The following CDC73 variants were observed in gnomAD, a reference collection of about 807,000 sequenced individuals.
CDC73 encodes parafibromin.
Under a neutral mutation model 83.7 loss-of-function variants are expected in CDC73, and 21 were observed. That is an observed-to-expected ratio of 0.25 (90% CI 0.18 to 0.36). The LOEUF (loss-of-function observed/expected upper bound fraction) is 0.36, where lower values mean the gene tolerates loss of function less well. Ranked by LOEUF, CDC73 falls within the 10% of genes least tolerant of loss-of-function variation. The pLI is 1.00. For synonymous variants in CDC73, 224 were observed against 212.9 expected (o/e 1.05, Z -0.45); for missense variants, 342 against 653.3 (o/e 0.52, Z 5.19).
At chr1:193,124,611 G>T (rs1323868308) in intron 1 of CDC73, among the ~76,000 whole-genome samples, 1 of 152,140 alleles carries the variant, frequency 6.6e-6, no homozygotes, top group Non-Finnish European at 1.5e-5. Context: ...TACATTATTG[G>T]TCTAATTTGA....
intron 7 of CDC73, among the ~76,000 whole-genome samples, chr1:193,142,417 A>G (rs926443770): frequency 2.6e-5 from 4 of 152,132 alleles, no homozygotes; most frequent in African/African-American, 7.2e-5. Context: ...TATTAATGCC[A>G]TCATTATTTT....
intron 6 of CDC73, among the ~76,000 whole-genome samples, chr1:193,140,591 A>G (rs546934955): frequency 5.9e-5 from 9 of 152,336 alleles, no homozygotes; most frequent in East Asian, 5.8e-4. Flanking sequence ...CTACTTGAAC[A>G]TAAGTACTTT....
At chr1:193,135,098 G>T (rs1558282157) in intron 3 of CDC73, among the ~76,000 whole-genome samples, 2 of 151,984 alleles carry the variant, frequency 1.3e-5, no homozygotes, top group Non-Finnish European at 2.9e-5. Context: ...ACCTTTTTAG[G>T]TGTCTGTGTT....
At chr1:193,200,873 T>G (rs921327867) in intron 10 of CDC73, among the ~76,000 whole-genome samples, 4 of 152,146 alleles carry the variant, frequency 2.6e-5, no homozygotes, top group African/African-American at 9.7e-5. Context: ...CGTTATGCAG[T>G]GACTACTCCA....
chr1:193,124,239 T>TA, intron 1 of CDC73, among the ~76,000 whole-genome samples: 1 of 152,356 alleles, frequency 6.6e-6, no homozygotes, highest in East Asian at 1.9e-4. Flanking sequence ...TATACACATA[T>TA]AAAACACTAA....
chr1:193,223,671 C>G (rs1677511124), intron 13 of CDC73, among the ~76,000 whole-genome samples: 1 of 152,022 alleles, frequency 6.6e-6, no homozygotes, highest in South Asian at 2.1e-4. Context: ...GACTTATTTT[C>G]TATTTCAGGA....
At chr1:193,162,311 T>TATATATC (rs1491353403) in intron 10 of CDC73, among the ~76,000 whole-genome samples, 1 of 121,414 alleles carries the variant, frequency 8.2e-6, no homozygotes, top group South Asian at 2.3e-4. Flanking sequence ...TACTATATAT[T>TATATATC]ATATATCATA....
rs1258452207 is a variant in CDC73, at chr1:193,251,924, A to G, written c.*1212A>G. 2 of 230,850 alleles carry G rather than the reference A, an allele frequency of 8.7e-6. No homozygotes were observed. The highest frequency in any genetic ancestry group is 4.4e-5 in the African/African-American group (2 of 45,020). 14.3% of individuals were successfully genotyped at this position (230,850 alleles called of 1,614,324 possible). On this transcript the variant is annotated 3_prime_UTR_variant, in exon 17 of 17. Coordinates refer to ENST00000367435, the MANE Select transcript of CDC73 (RefSeq NM_024529.5). ...TGCCATTGGAATTTTTGCTGATCACAGTCTTATGTCATTTTTTTCTCTGTT... is the reference window on the plus strand; with the variant it reads ...TGCCATTGGAATTTTTGCTGATCACGGTCTTATGTCATTTTTTTCTCTGTT...
intron 10 of CDC73, among the ~76,000 whole-genome samples, chr1:193,178,813 A>G (rs539380780): frequency 2.5e-4 from 38 of 152,324 alleles, no homozygotes; most frequent in African/African-American, 7.5e-4. Context: ...AGTGTTTTCA[A>G]GTTTCACAAA....
intron 2 of CDC73, among the ~76,000 whole-genome samples, chr1:193,127,314 T>TGTGA (rs67384814): frequency 6.7e-6 from 1 of 149,314 alleles, no homozygotes; most frequent in Non-Finnish European, 1.5e-5. Context: ...TGTGTGTGTG[T>TGTGA]GTGATTATAG....
chr1:193,219,558 G>A (rs1209778249), intron 13 of CDC73, among the ~76,000 whole-genome samples: 1 of 152,136 alleles, frequency 6.6e-6, no homozygotes, highest in Non-Finnish European at 1.5e-5. Flanking sequence ...ATACTATGCA[G>A]CCATAAAAAA....
intron 13 of CDC73, among the ~76,000 whole-genome samples, chr1:193,213,652 G>A (rs1677314006): frequency 6.6e-6 from 1 of 152,148 alleles, no homozygotes; most frequent in South Asian, 2.1e-4. Context: ...TTATTAAACA[G>A]AAGCTGTCAA....
At chr1:193,142,530 T>G (rs1346862843) in intron 7 of CDC73, among the ~76,000 whole-genome samples, 2 of 152,168 alleles carry the variant, frequency 1.3e-5, no homozygotes, top group African/African-American at 4.8e-5. Flanking sequence ...GTTTTTTCAT[T>G]AGCTCCCTAT....
chr1:193,204,336 C>T (rs1395947467), intron 11 of CDC73, among the ~76,000 whole-genome samples: 2 of 147,826 alleles, frequency 1.4e-5, no homozygotes, highest in Non-Finnish European at 3.0e-5. Flanking sequence ...GTCACCCAGG[C>T]TGGAGTACAC....
Position 193,152,375 on chromosome 1 carries a change from C to A in CDC73, c.908-5C>A. On this transcript the variant is annotated splice_region_variant and splice_polypyrimidine_tract_variant and intron_variant, in intron 9 of 16. Coordinates refer to ENST00000367435, the MANE Select transcript of CDC73 (RefSeq NM_024529.5). ...TCTTAACAATAAGCCTCTTTTTTTT[C>A]GTAGAAACGGAAGGCTTCAAAATTG... The A allele has an allele frequency of 1.3e-6, 2 of 1,595,934 alleles. No homozygotes were observed. The highest frequency in any genetic ancestry group is 1.1e-5 in the South Asian group (1 of 90,628).
intron 13 of CDC73, among the ~76,000 whole-genome samples, chr1:193,213,156 C>A (rs150364179): frequency 1.3e-5 from 2 of 152,228 alleles, no homozygotes; most frequent in African/African-American, 4.8e-5. Context: ...AGTAGACATA[C>A]CACTTTTAAA....
In CDC73 at chr1:193,233,071, G is replaced by C. The variant is rs1485635426; in HGVS notation, c.1233G>C (p.Gln411His). ...NETLIQRRKD[Q>H]MQPGGTAISV... ...CTCTAATACAAAGAAGAAAAGACCAGATGCAACCAGGGGGCACTGCAATTA... is the reference window on the plus strand; with the variant it reads ...CTCTAATACAAAGAAGAAAAGACCACATGCAACCAGGGGGCACTGCAATTA... The change falls in exon 14 of 17, where the codon CAG (glutamine) becomes CAC (histidine). Residue 411 changes from glutamine (Q) to histidine (H), a missense_variant. This residue lies in a region of CDC73 where 239 missense variants were observed against 420.6 expected (regional missense o/e 0.57). Transcript: ENST00000367435. 6.2e-7 allele frequency: 1 copy of C among 1,613,360 alleles called. No individual in the cohort carries two copies. The highest frequency in any genetic ancestry group is 1.1e-5 in the South Asian group (1 of 91,060).
intron 10 of CDC73, among the ~76,000 whole-genome samples, chr1:193,184,099 G>A (rs1363913354): frequency 6.6e-6 from 1 of 151,772 alleles, no homozygotes; most frequent in East Asian, 1.9e-4. Context: ...ATATGATTTT[G>A]TAACAGTATG....
At chr1:193,170,327 G>C (rs1676499078) in intron 10 of CDC73, among the ~76,000 whole-genome samples, 1 of 152,106 alleles carries the variant, frequency 6.6e-6, no homozygotes, top group Non-Finnish European at 1.5e-5. Context: ...GAGATTGCTG[G>C]GTTCAGTGGT....
Sources: gnomAD v4.1 joint callset for allele counts (sites outside exome capture counted in the v4.1 genomes callset) on GRCh38, gnomAD v4.1.1 for gene constraint, gnomAD v4.1.1 regional missense constraint, MANE v1.5 for transcripts, NCBI Gene and HGNC (gene_info 2026-07-23, HGNC 2026-07-21) for gene names.